PTPRZ1: variants seen among roughly 807,000 people sequenced by gnomAD.
The protein encoded by PTPRZ1 is receptor-type tyrosine-protein phosphatase zeta.
A neutral mutation model predicts 214.1 loss-of-function variants in PTPRZ1; 82 were observed. The ratio of observed to expected loss-of-function variants is 0.38; its 90% CI spans 0.32 to 0.46. PTPRZ1 has a LOEUF of 0.46. PTPRZ1 is among the 20% of genes least tolerant of loss of function. The pLI is 1.00. For synonymous variants in PTPRZ1, 945 were observed against 987.9 expected (o/e 0.96, Z 0.81); for missense variants, 2,603 against 2,748.7 (o/e 0.95, Z 1.19).
intron 27 of PTPRZ1, among the ~76,000 whole-genome samples, chr7:122,058,454 C>T (rs112032243): frequency 6.6e-6 from 1 of 152,218 alleles, no homozygotes; most frequent in African/African-American, 2.4e-5. Flanking sequence ...CAGATTTTAA[C>T]ACCAATGATT....
chr7:122,043,768 G>A (rs1408065825), intron 22 of PTPRZ1, among the ~76,000 whole-genome samples: 1 of 152,130 alleles, frequency 6.6e-6, no homozygotes, highest in African/African-American at 2.4e-5. Context: ...GGTGGAGGAT[G>A]GCAGGAGGGA....
intron 1 of PTPRZ1, among the ~76,000 whole-genome samples, chr7:121,892,537 A>G (rs1183744601): frequency 6.6e-6 from 1 of 151,514 alleles, no homozygotes; most frequent in African/African-American, 2.4e-5. Context: ...TCAACAAAAT[A>G]ATTAAATATA....
chr7:121,937,803 G>C (rs145142258), intron 2 of PTPRZ1, among the ~76,000 whole-genome samples: 95 of 152,234 alleles, frequency 6.2e-4, no homozygotes, highest in African/African-American at 2.1e-3. Flanking sequence ...ATACACACAG[G>C]CTGAGGAGAC....
At chr7:121,924,313 G>A (rs1311271668) in intron 1 of PTPRZ1, among the ~76,000 whole-genome samples, 1 of 152,006 alleles carries the variant, frequency 6.6e-6, no homozygotes, top group Non-Finnish European at 1.5e-5. Context: ...AGTATATAAT[G>A]CAACAAAAAA....
chr7:122,018,825 G>C (rs1798925243), intron 12 of PTPRZ1, among the ~76,000 whole-genome samples: 3 of 151,876 alleles, frequency 2.0e-5, no homozygotes, highest in Non-Finnish European at 4.4e-5. Flanking sequence ...ACACTACTTT[G>C]ATTTTTCTTA....
At chr7:121,932,795 C>T (rs142127303) in intron 2 of PTPRZ1, among the ~76,000 whole-genome samples, 47 of 152,158 alleles carry the variant, frequency 3.1e-4, no homozygotes, top group African/African-American at 9.6e-4. Flanking sequence ...TGTAAATCCC[C>T]GCTGGCTACC....
At chr7:122,027,943 A>G (rs1288504061) in intron 13 of PTPRZ1, among the ~76,000 whole-genome samples, 2 of 152,162 alleles carry the variant, frequency 1.3e-5, no homozygotes, top group East Asian at 1.9e-4. Context: ...TCACTCCTGC[A>G]TTATTACAGC....
At chr7:122,056,811 T>A (rs1792363442) in intron 27 of PTPRZ1, among the ~76,000 whole-genome samples, 1 of 151,818 alleles carries the variant, frequency 6.6e-6, no homozygotes, top group African/African-American at 2.4e-5. Context: ...CCTGAATTAG[T>A]GTTTATTGTT....
chr7:121,926,331 A>G (rs1483079271), intron 1 of PTPRZ1, among the ~76,000 whole-genome samples: 1 of 151,260 alleles, frequency 6.6e-6, no homozygotes, highest in African/African-American at 2.4e-5. Context: ...TACAATTACA[A>G]TATTCTTAAA....
At chr7:121,988,248 G>T (rs1797827272) in intron 8 of PTPRZ1, among the ~76,000 whole-genome samples, 1 of 152,144 alleles carries the variant, frequency 6.6e-6, no homozygotes, top group Admixed American at 6.5e-5. Flanking sequence ...TTCTAGGGGG[G>T]ATCAGAGATG....
chr7:121,945,492 A>G (rs749648202), intron 2 of PTPRZ1, among the ~76,000 whole-genome samples: 1 of 152,054 alleles, frequency 6.6e-6, no homozygotes, highest in Non-Finnish European at 1.5e-5. Flanking sequence ...AAGTTTTGCA[A>G]ATTCATTTTT....
chr7:122,001,671 C>T (rs1039451456), intron 10 of PTPRZ1, among the ~76,000 whole-genome samples: 1 of 152,122 alleles, frequency 6.6e-6, no homozygotes, highest in African/African-American at 2.4e-5. Flanking sequence ...ATTAAATAAG[C>T]CTTGCTTGCT....
chr7:122,055,697 T>C (rs1792329335), intron 27 of PTPRZ1, among the ~76,000 whole-genome samples: 1 of 151,922 alleles, frequency 6.6e-6, no homozygotes, highest in Non-Finnish European at 1.5e-5. Flanking sequence ...TATGCAAATA[T>C]CTATTATTGA....
At chr7:122,035,023 G>A (rs949017314) in intron 17 of PTPRZ1, among the ~76,000 whole-genome samples, 1 of 151,616 alleles carries the variant, frequency 6.6e-6, no homozygotes, top group Admixed American at 6.6e-5. Context: ...TCTTATTTTT[G>A]TTTATATTCC....
chr7:121,967,702 A>G (rs1314202096), intron 2 of PTPRZ1, among the ~76,000 whole-genome samples: 1 of 152,184 alleles, frequency 6.6e-6, no homozygotes, highest in Admixed American at 6.5e-5. Context: ...AGTTGTACCA[A>G]ACCTTGGTTG....
intron 2 of PTPRZ1, among the ~76,000 whole-genome samples, chr7:121,952,366 T>G (rs1469933501): frequency 3.3e-5 from 5 of 152,088 alleles, no homozygotes; most frequent in Admixed American, 3.3e-4. Flanking sequence ...GGAAGATTGC[T>G]TGAGGCCAGA....
chr7:122,024,574 A>G (rs1258274173), intron 13 of PTPRZ1, among the ~76,000 whole-genome samples: 1 of 152,124 alleles, frequency 6.6e-6, no homozygotes, highest in East Asian at 1.9e-4. Flanking sequence ...ACCTTCATCC[A>G]TAATTTAGCC....
At chr7:122,048,366 AAG>A (rs1792065121) in intron 23 of PTPRZ1, among the ~76,000 whole-genome samples, 1 of 152,278 alleles carries the variant, frequency 6.6e-6, no homozygotes, top group South Asian at 2.1e-4. Context: ...AGATTAAAAA[AAG>A]AGATATAATT....
At chr7:121,957,895 T>C (rs1796757391) in intron 2 of PTPRZ1, among the ~76,000 whole-genome samples, 1 of 152,264 alleles carries the variant, frequency 6.6e-6, no homozygotes, top group Admixed American at 6.5e-5. Flanking sequence ...ACATATTCCA[T>C]GACTCTCTTG....
Sources: gnomAD v4.1 joint callset for allele counts (sites outside exome capture counted in the v4.1 genomes callset) on GRCh38, gnomAD v4.1.1 for gene constraint, MANE v1.5 for transcripts, NCBI Gene and HGNC (gene_info 2026-07-23, HGNC 2026-07-21) for gene names.